Variants in SGCD observed in about 807,000 individuals in gnomAD.
SGCD encodes delta-sarcoglycan.
SGCD carries 18 observed loss-of-function variants against 36.6 expected under a neutral mutation model. That is an observed-to-expected ratio of 0.49 (90% CI 0.34 to 0.73). The LOEUF (loss-of-function observed/expected upper bound fraction) is 0.73, where lower values mean the gene tolerates loss of function less well. SGCD is among the 30% of genes least tolerant of loss of function. The pLI, the probability that SGCD is intolerant of heterozygous loss-of-function variation, is 0.01. For synonymous variants in SGCD, 133 were observed against 130.6 expected (o/e 1.02, Z -0.12); for missense variants, 387 against 346.7 (o/e 1.12, Z -0.92).
chr5:155,793,900 C>T, the SGCD span, among the ~76,000 whole-genome samples: 1 of 150,384 alleles, frequency 6.6e-6, no homozygotes, highest in Non-Finnish European at 1.5e-5. Context: ...TGCCTGTTTT[C>T]CCCTCAACAT....
chr5:155,734,105 TTA>T, the SGCD span, among the ~76,000 whole-genome samples: 1 of 147,512 alleles, frequency 6.8e-6, no homozygotes, highest in Non-Finnish European at 1.5e-5. Context: ...ATATTATTAA[TTA>T]TATTAATTAA....
chr5:156,410,370 C>T (rs1297533624), intron 3 of SGCD, among the ~76,000 whole-genome samples: 1 of 151,818 alleles, frequency 6.6e-6, no homozygotes, highest in Non-Finnish European at 1.5e-5. Context: ...GAACAATAGA[C>T]ACTGGGGGCT....
At chr5:156,473,533 A>G (rs1755057919) in intron 3 of SGCD, among the ~76,000 whole-genome samples, 2 of 152,194 alleles carry the variant, frequency 1.3e-5, no homozygotes, top group South Asian at 4.1e-4. Flanking sequence ...TTGGACTGCA[A>G]TTGACTGTGG....
intron 1 of SGCD, among the ~76,000 whole-genome samples, chr5:155,885,762 C>T (rs182920246): frequency 6.6e-6 from 1 of 152,308 alleles, no homozygotes; most frequent in African/African-American, 2.4e-5. Context: ...AATTATCCAT[C>T]ACAAATAACA....
At chr5:156,737,260 T>C (rs952905980) in intron 7 of SGCD, among the ~76,000 whole-genome samples, 2 of 152,052 alleles carry the variant, frequency 1.3e-5, no homozygotes, top group Non-Finnish European at 2.9e-5. Context: ...ATAGTGGCAG[T>C]TTTCAGGTAA....
intron 3 of SGCD, among the ~76,000 whole-genome samples, chr5:156,182,821 T>C (rs1433902329): frequency 1.3e-5 from 2 of 152,192 alleles, no homozygotes; most frequent in African/African-American, 4.8e-5. Context: ...GCCAGTGAGG[T>C]GTTAGCAAAT....
chr5:156,473,562 A>G (rs1378004305), intron 3 of SGCD, among the ~76,000 whole-genome samples: 1 of 152,252 alleles, frequency 6.6e-6, no homozygotes, highest in Admixed American at 6.5e-5. Context: ...AACCACAGAA[A>G]GAAGAACCAT....
At chr5:155,838,808 AT>A in the SGCD span, among the ~76,000 whole-genome samples, 20 of 147,992 alleles carry the variant, frequency 1.4e-4, no homozygotes, top group Non-Finnish European at 2.5e-4. Flanking sequence ...CAATCTACTT[AT>A]TTTTTTGGGG....
chr5:156,040,437 T>TAA (rs1382976704), intron 1 of SGCD, among the ~76,000 whole-genome samples: 1 of 152,234 alleles, frequency 6.6e-6, no homozygotes, highest in Non-Finnish European at 1.5e-5. Context: ...TCCCTGATTA[T>TAA]AATTATCCAG....
chr5:156,490,487 C>A (rs1474112836), intron 3 of SGCD, among the ~76,000 whole-genome samples: 2 of 147,856 alleles, frequency 1.4e-5, no homozygotes, highest in African/African-American at 2.5e-5. Context: ...TGTAACATAT[C>A]AAAAAAAAAA....
intron 3 of SGCD, among the ~76,000 whole-genome samples, chr5:156,386,763 G>C (rs1771296967): frequency 6.6e-6 from 1 of 152,252 alleles, no homozygotes; most frequent in South Asian, 2.1e-4. Flanking sequence ...TGGGGCACAA[G>C]TGTTGGCTTT....
At chr5:156,189,547 GGAGA>G (rs1169306847) in intron 3 of SGCD, among the ~76,000 whole-genome samples, 2 of 151,964 alleles carry the variant, frequency 1.3e-5, no homozygotes, top group Non-Finnish European at 2.9e-5. Flanking sequence ...AGCGATAAAG[GGAGA>G]GAGCCTCTAT....
chr5:156,428,486 C>G (rs984624867), intron 3 of SGCD, among the ~76,000 whole-genome samples: 5 of 151,910 alleles, frequency 3.3e-5, no homozygotes, highest in African/African-American at 7.2e-5. Context: ...TTTCAAAGAA[C>G]CAGCTTTTAA....
chr5:155,895,135 T>C (rs1756219414), intron 1 of SGCD, among the ~76,000 whole-genome samples: 1 of 152,210 alleles, frequency 6.6e-6, no homozygotes, highest in Non-Finnish European at 1.5e-5. Context: ...AGACCTTTGA[T>C]GTTTCATAGG....
At chr5:156,541,382 A>T (rs1223143941) in intron 4 of SGCD, among the ~76,000 whole-genome samples, 2 of 152,134 alleles carry the variant, frequency 1.3e-5, no homozygotes, top group Non-Finnish European at 2.9e-5. Flanking sequence ...GAACAAAGAG[A>T]TCAGGGAGGG....
intron 3 of SGCD, among the ~76,000 whole-genome samples, chr5:156,141,829 A>G (rs766779151): frequency 2.0e-5 from 3 of 152,232 alleles, no homozygotes; most frequent in Non-Finnish European, 2.9e-5. Flanking sequence ...TAACAGGGAG[A>G]GAAGTATACC....
intron 6 of SGCD, among the ~76,000 whole-genome samples, chr5:156,635,184 A>G (rs1762778737): frequency 6.6e-6 from 1 of 152,176 alleles, no homozygotes; most frequent in Non-Finnish European, 1.5e-5. Flanking sequence ...TGATCACACC[A>G]CTGCACTCAG....
At chr5:156,413,219 A>G (rs1297081504) in intron 3 of SGCD, among the ~76,000 whole-genome samples, 1 of 152,214 alleles carries the variant, frequency 6.6e-6, no homozygotes, top group Admixed American at 6.5e-5. Flanking sequence ...AGGTACTGAG[A>G]TGGAGAGCAA....
intron 3 of SGCD, among the ~76,000 whole-genome samples, chr5:156,139,784 G>C (rs951719176): frequency 6.6e-6 from 1 of 152,170 alleles, no homozygotes; most frequent in Non-Finnish European, 1.5e-5. Context: ...GCTATGGTTC[G>C]AAGGATGATG....
Sources: gnomAD v4.1 joint callset for allele counts (sites outside exome capture counted in the v4.1 genomes callset) on GRCh38, gnomAD v4.1.1 for gene constraint, MANE v1.5 for transcripts, NCBI Gene and HGNC (gene_info 2026-07-23, HGNC 2026-07-21) for gene names.